MAP4: variants seen among roughly 807,000 people sequenced by gnomAD.
The protein encoded by MAP4 is microtubule-associated protein 4.
A neutral mutation model predicts 170.2 loss-of-function variants in MAP4; 76 were observed. The ratio of observed to expected loss-of-function variants is 0.45; its 90% CI spans 0.37 to 0.54. The LOEUF (loss-of-function observed/expected upper bound fraction) is 0.54, where lower values mean the gene tolerates loss of function less well. MAP4 is among the 20% of genes least tolerant of loss of function. The pLI is 0.00. For missense variants in MAP4, 2,506 were observed against 2,748.0 expected, an observed-to-expected ratio of 0.91 and a Z score of 1.97; for synonymous variants, 909 against 994.5, an observed-to-expected ratio of 0.91 and a Z score of 1.62.
chr3:47,937,116 AT>A (rs2100053434), intron 3 of MAP4, among the ~76,000 whole-genome samples: 2 of 152,078 alleles, frequency 1.3e-5, no homozygotes, highest in Admixed American at 1.3e-4. Context: ...AAAAAAAAAA[AT>A]TGTGCTACAT....
chr3:48,056,174 C>T (rs2100131294), intron 1 of MAP4, among the ~76,000 whole-genome samples: 2 of 123,760 alleles, frequency 1.6e-5, no homozygotes, highest in Admixed American at 7.6e-5. Context: ...GGGGGGTCAG[C>T]CCCCCCGCCC....
chr3:47,898,239 C>T (rs1187653548), intron 10 of MAP4, among the ~76,000 whole-genome samples: 3 of 152,050 alleles, frequency 2.0e-5, no homozygotes, highest in Non-Finnish European at 4.4e-5. Flanking sequence ...CATGGTGGCT[C>T]ACCCCTGTAA....
At chr3:47,978,605 C>CA (rs773662773) in intron 2 of MAP4, among the ~76,000 whole-genome samples, 224 of 152,252 alleles carry the variant, frequency 1.5e-3, no homozygotes, top group Middle Eastern at 3.4e-3. Flanking sequence ...TGTGAGCCAC[C>CA]ATGCCCAGCG....
chr3:47,918,090 C>A (rs1299484254), intron 6 of MAP4, among the ~76,000 whole-genome samples: 1 of 152,220 alleles, frequency 6.6e-6, no homozygotes, highest in Non-Finnish European at 1.5e-5. Context: ...TCAAGTGATT[C>A]TCCTGCCTCA....
At chr3:48,058,496 G>A (rs918120546) in intron 1 of MAP4, among the ~76,000 whole-genome samples, 1 of 152,136 alleles carries the variant, frequency 6.6e-6, no homozygotes, top group Admixed American at 6.5e-5. Flanking sequence ...CACTAGGTCT[G>A]GCTGAACAGG....
intron 17 of MAP4, among the ~76,000 whole-genome samples, chr3:47,865,367 G>A (rs1201950397): frequency 6.6e-6 from 1 of 152,214 alleles, no homozygotes; most frequent in Non-Finnish European, 1.5e-5. Flanking sequence ...CTCGTGGGCT[G>A]GATCTTTGTC....
intron 2 of MAP4, among the ~76,000 whole-genome samples, chr3:47,981,160 C>G (rs1201556662): frequency 6.6e-6 from 1 of 152,036 alleles, no homozygotes; most frequent in Admixed American, 6.6e-5. Flanking sequence ...AACAAATGTC[C>G]ACCAACAGAT....
intron 17 of MAP4, among the ~76,000 whole-genome samples, chr3:47,861,984 A>T (rs2067040138): frequency 6.6e-6 from 1 of 151,300 alleles, no homozygotes; most frequent in Non-Finnish European, 1.5e-5. Flanking sequence ...ACACGGTGAA[A>T]CCCCATCTCT....
At chr3:47,919,399 C>T (rs2100041534) in intron 5 of MAP4, among the ~76,000 whole-genome samples, 1 of 152,016 alleles carries the variant, frequency 6.6e-6, no homozygotes, top group African/African-American at 2.4e-5. Flanking sequence ...TCTCTGCCTC[C>T]CAGGTTCACG....
At chr3:47,999,596 G>A (rs920854418) in intron 1 of MAP4, among the ~76,000 whole-genome samples, 2 of 152,200 alleles carry the variant, frequency 1.3e-5, no homozygotes, top group East Asian at 1.9e-4. Context: ...GCAAACTGAC[G>A]CAGGAACAGA....
chr3:47,941,307 CAT>C (rs543744237), intron 3 of MAP4, among the ~76,000 whole-genome samples: 111 of 149,450 alleles, frequency 7.4e-4, no homozygotes, highest in Admixed American at 1.2e-3. Context: ...ATCAAATACC[CAT>C]AGTTACCTGG....
At chr3:47,891,049 G>A (rs2100023644) in intron 10 of MAP4, 1 of 1,499,414 alleles carries the variant, frequency 6.7e-7, no homozygotes, top group African/African-American at 1.4e-5. Flanking sequence ...TTTCAAACAG[G>A]AACGATGGAG....
At chr3:48,031,899 A>G (rs2100116330) in intron 1 of MAP4, among the ~76,000 whole-genome samples, 1 of 151,642 alleles carries the variant, frequency 6.6e-6, no homozygotes, top group Non-Finnish European at 1.5e-5. Context: ...ACATACACAC[A>G]CACACACACA....
intron 3 of MAP4, among the ~76,000 whole-genome samples, chr3:47,964,950 C>T (rs2100073952): frequency 6.6e-6 from 1 of 152,114 alleles, no homozygotes; most frequent in African/African-American, 2.4e-5. Context: ...CATCCATCTC[C>T]AGAACTTTTT....
At chr3:47,966,537 G>A (rs754111160) in intron 3 of MAP4, among the ~76,000 whole-genome samples, 81 of 151,798 alleles carry the variant, frequency 5.3e-4, no homozygotes, top group Admixed American at 5.9e-4. Flanking sequence ...GTGAGCCACC[G>A]CACCTGGCCA....
chr3:47,979,118 T>C (rs2100083900), intron 2 of MAP4, among the ~76,000 whole-genome samples: 1 of 152,116 alleles, frequency 6.6e-6, no homozygotes, highest in Non-Finnish European at 1.5e-5. Flanking sequence ...ATATTTACAT[T>C]TCATATTGAG....
In MAP4 at chr3:47,852,820, A is replaced by G. The variant is rs770916887; in HGVS notation, c.*114T>C. ...GTGGACAGCCCGGGAAAGGGGGCCAAGGACCCGGGAGCCCGAGTTGGGGCC... is the reference window on the plus strand; with the variant it reads ...GTGGACAGCCCGGGAAAGGGGGCCAGGGACCCGGGAGCCCGAGTTGGGGCC... On this transcript the variant is annotated 3_prime_UTR_variant, in exon 21 of 21. Transcript: ENST00000683076. 4.5e-6 allele frequency: 7 copies of G among 1,550,932 alleles called. No homozygotes were observed. The African/African-American group carries it at 9.6e-5, about 21-fold the overall frequency.
At chr3:48,030,171 C>CT (rs2100115284) in intron 1 of MAP4, among the ~76,000 whole-genome samples, 1 of 150,784 alleles carries the variant, frequency 6.6e-6, no homozygotes, top group African/African-American at 2.4e-5. Context: ...GGAGGATCAT[C>CT]TAAGGCTAAG....
chr3:47,850,981 C>T lies in MAP4; in HGVS notation c.*1953G>A, dbSNP rs1308487694. The T allele has an allele frequency of 2.0e-5, 3 of 152,418 alleles. No individual in the cohort carries two copies. The highest frequency in any genetic ancestry group is 7.2e-5 in the African/African-American group (3 of 41,422). The allele number at this position is 152,418 out of a possible 1,614,324, so 9.4% of individuals were successfully genotyped here. ...CCTTTGGCCAAAGGAGTGAAAGGAC[C>T]TGGAACCTGTCGTCAACCTCAGCAT... is the stretch of plus-strand genomic sequence containing the variant. On this transcript the variant is annotated 3_prime_UTR_variant, in exon 21 of 21. Coordinates refer to ENST00000683076, the MANE Select transcript of MAP4 (RefSeq NM_001385682.1).
Sources: allele counts gnomAD v4.1 joint callset (sites outside exome capture counted in the v4.1 genomes callset), GRCh38; gene constraint gnomAD v4.1.1; transcripts MANE v1.5; gene names NCBI Gene and HGNC (gene_info 2026-07-23, HGNC 2026-07-21).